Variants in RBFOX1 observed in about 807,000 individuals in gnomAD.
RBFOX1 encodes the protein RNA binding fox-1 homolog 1, also known as RNA binding protein fox-1 homolog 1.
In RBFOX1, 8 loss-of-function variants were observed where a neutral mutation model predicts 57.7. That is an observed-to-expected ratio of 0.14 (90% confidence interval 0.08 to 0.25). The LOEUF (loss-of-function observed/expected upper bound fraction) is 0.25, where lower values mean the gene tolerates loss of function less well. Among genes scored for constraint, RBFOX1 ranks in the 10% least tolerant of loss-of-function variants. The pLI is 1.00. For synonymous variants in RBFOX1, 326 were observed against 222.4 expected, an observed-to-expected ratio of 1.47 and a Z score of -4.15; for missense variants, 611 against 548.5, an observed-to-expected ratio of 1.11 and a Z score of -1.14.
chr16:6,591,777 A>G (rs1340341557), intron 2 of RBFOX1, among the ~76,000 whole-genome samples: 3 of 152,230 alleles, frequency 2.0e-5, no homozygotes, highest in African/African-American at 4.8e-5. Context: ...GTAAATGAAG[A>G]AGGAGAAGCA....
chr16:6,947,900 C>A (rs1314227765), intron 3 of RBFOX1, among the ~76,000 whole-genome samples: 1 of 152,114 alleles, frequency 6.6e-6, no homozygotes, highest in African/African-American at 2.4e-5. Context: ...CCTCAGCCCC[C>A]CAAGTAGCTG....
chr16:6,645,183 G>T (rs1488066723), intron 2 of RBFOX1, among the ~76,000 whole-genome samples: 1 of 152,080 alleles, frequency 6.6e-6, no homozygotes, highest in African/African-American at 2.4e-5. Flanking sequence ...AAGGATACTT[G>T]TTACTGGATT....
intron 2 of RBFOX1, among the ~76,000 whole-genome samples, chr16:5,574,648 C>T (rs1022680320): frequency 6.6e-6 from 1 of 152,078 alleles, no homozygotes; most frequent in East Asian, 1.9e-4. Flanking sequence ...TCAGACTGGT[C>T]TTGAACTCCT....
At chr16:7,265,879 G>A (rs996804668) in intron 4 of RBFOX1, among the ~76,000 whole-genome samples, 19 of 151,646 alleles carry the variant, frequency 1.3e-4, no homozygotes, top group African/African-American at 4.6e-4. Flanking sequence ...CCTGGTAAGA[G>A]CTGTTTAGAT....
intron 4 of RBFOX1, among the ~76,000 whole-genome samples, chr16:7,221,214 G>A (rs1311881099): frequency 2.0e-5 from 3 of 152,104 alleles, no homozygotes; most frequent in African/African-American, 7.2e-5. Flanking sequence ...CATTGTAAGT[G>A]TTCAAAAATA....
At chr16:6,740,532 A>T (rs559460739) in intron 3 of RBFOX1, among the ~76,000 whole-genome samples, 1 of 152,364 alleles carries the variant, frequency 6.6e-6, no homozygotes, top group African/African-American at 2.4e-5. Context: ...CTGACAAGTT[A>T]GCTCACCAAA....
rs1269323237 is a variant in RBFOX1 at position 6,082,241 on chromosome 16, T to A, written c.-127+62249T>A. Among the ~76,000 whole-genome samples the A allele has an allele frequency of 5.7e-5, 8 of 141,546 alleles. No individual in the cohort carries two copies. In the South Asian group the frequency reaches 1.8e-3, roughly 33 times the overall value. 92.9% of individuals were successfully genotyped at this position (141,546 alleles called of 152,430 possible). On this transcript the variant is annotated intron_variant, in intron 1 of 15. Coordinates refer to ENST00000550418, the MANE Select transcript of RBFOX1 (RefSeq NM_018723.4). ...TGTCACCCAGGCTGGAGTGTAGTGG[T>A]GCAATCTCGGCTCATTGCAACCTCT...
intron 2 of RBFOX1, among the ~76,000 whole-genome samples, chr16:6,523,419 G>A (rs1477231078): frequency 1.3e-5 from 2 of 152,046 alleles, no homozygotes; most frequent in South Asian, 2.1e-4. Flanking sequence ...CAATGTTAAC[G>A]GTCATTGAAC....
In RBFOX1 at chr16:5,730,325, A is replaced by G. The variant is rs566963161; in HGVS notation, c.318+131364A>G. On this transcript the variant is annotated intron_variant, in intron 3 of 19. Coordinates refer to the RBFOX1 transcript ENST00000641259. ...AGACTACAGCTTCTCATGCCTGAGA[A>G]AAAGAATCCAGAGGAGCATATAGAT... Among the ~76,000 whole-genome samples the G allele has an allele frequency of 6.0e-4, 91 of 152,278 alleles. 1 individual carries two copies. The South Asian group carries it at 0.018, about 29-fold the overall frequency.
chr16:7,703,358 G>A (rs907298007), intron 14 of RBFOX1, among the ~76,000 whole-genome samples: 1 of 152,228 alleles, frequency 6.6e-6, no homozygotes, highest in African/African-American at 2.4e-5. Flanking sequence ...CTGCCATTTG[G>A]CTGTTTAGGA....
rs140267333 is a variant in RBFOX1 at position 7,668,684 on chromosome 16, T to C, written c.930+3716T>C. Among the ~76,000 whole-genome samples, 137 of 152,016 alleles carry C rather than the reference T, an allele frequency of 9.0e-4. 1 individual carries two copies. The highest frequency in any genetic ancestry group is 4.4e-3 in the East Asian group (23 of 5,172). On this transcript the variant is annotated intron_variant, in intron 13 of 15. Transcript: ENST00000550418. Reference sequence around the variant, plus strand: ...AGAACACACACACACACACACACTTTTGTATAAAAAGATAGATAGGAATTT... The same window carrying C: ...AGAACACACACACACACACACACTTCTGTATAAAAAGATAGATAGGAATTT...
At chr16:7,465,920 C>G (rs1213871036) in intron 4 of RBFOX1, among the ~76,000 whole-genome samples, 1 of 152,212 alleles carries the variant, frequency 6.6e-6, no homozygotes, top group Non-Finnish European at 1.5e-5. Context: ...TGGTGCTTCT[C>G]TAAGCAATTT....
At chr16:7,528,706 T>G (rs1248316866) in intron 5 of RBFOX1, among the ~76,000 whole-genome samples, 1 of 152,178 alleles carries the variant, frequency 6.6e-6, no homozygotes, top group Non-Finnish European at 1.5e-5. Context: ...GTGGGCAGTA[T>G]TTGGGTCATG....
At chr16:6,801,442 C>T (rs1326159555) in intron 3 of RBFOX1, among the ~76,000 whole-genome samples, 1 of 152,074 alleles carries the variant, frequency 6.6e-6, no homozygotes, top group African/African-American at 2.4e-5. Context: ...GCAAAACGGG[C>T]ACATGTGTAG....
At chr16:7,170,365 G>A (rs2080442188) in intron 4 of RBFOX1, among the ~76,000 whole-genome samples, 1 of 152,114 alleles carries the variant, frequency 6.6e-6, no homozygotes. Context: ...TTGAACTCCT[G>A]GGTGCAAGTG....
intron 1 of RBFOX1, among the ~76,000 whole-genome samples, chr16:5,267,246 T>G (rs1596342380): frequency 6.6e-6 from 1 of 152,032 alleles, no homozygotes; most frequent in Non-Finnish European, 1.5e-5. Context: ...TACACCCATG[T>G]ACATATTGTC....
At chr16:5,719,023 A>T (rs906413288) in intron 3 of RBFOX1, among the ~76,000 whole-genome samples, 8 of 152,004 alleles carry the variant, frequency 5.3e-5, no homozygotes, top group Admixed American at 1.3e-4. Flanking sequence ...GTAAGGATTG[A>T]CTGAGATCAT....
At chr16:6,298,098 A>G (rs1370189017) in intron 1 of RBFOX1, among the ~76,000 whole-genome samples, 2 of 152,222 alleles carry the variant, frequency 1.3e-5, no homozygotes. Context: ...CGTGGATGGC[A>G]AGGCTAAAAG....
At chr16:6,669,788 C>G (rs963908490) in intron 3 of RBFOX1, among the ~76,000 whole-genome samples, 9 of 152,152 alleles carry the variant, frequency 5.9e-5, no homozygotes, top group African/African-American at 2.2e-4. Context: ...AGCTTAAGGA[C>G]TTCTAGCTTT....
Sources: allele counts gnomAD v4.1 joint callset (sites outside exome capture counted in the v4.1 genomes callset), GRCh38; gene constraint gnomAD v4.1.1; transcripts MANE v1.5; gene names NCBI Gene and HGNC (gene_info 2026-07-23, HGNC 2026-07-21).